HTR2C: variants seen among roughly 807,000 people sequenced by gnomAD.
The protein encoded by HTR2C is 5-hydroxytryptamine (serotonin) receptor 2C, G protein-coupled.
HTR2C carries 5 observed loss-of-function variants against 21.0 expected under a neutral mutation model. The ratio of observed to expected loss-of-function variants is 0.24; its 90% CI spans 0.12 to 0.50. The LOEUF (loss-of-function observed/expected upper bound fraction) is 0.50. Among genes scored for constraint, HTR2C ranks in the 20% least tolerant of loss-of-function variants. The probability of loss-of-function intolerance (pLI) is 0.98; values close to 1 mark genes in which losing one functional copy is unlikely to be tolerated. For missense variants in HTR2C, 271 were observed against 371.2 expected, an observed-to-expected ratio of 0.73 and a Z score of 2.22; for synonymous variants, 150 against 145.3, an observed-to-expected ratio of 1.03 and a Z score of -0.23.
intron 5 of HTR2C, among the ~76,000 whole-genome samples, chrX:114,861,911 T>A (rs1285038356): frequency 6.3e-5 from 7 of 111,876 alleles, no homozygotes; most frequent in African/African-American, 2.3e-4. Context: ...TTTGCAAATA[T>A]TTTTTTCTCA....
chrX:114,720,506 A>G (rs1933152374), intron 2 of HTR2C, among the ~76,000 whole-genome samples: 1 of 56,931 alleles, frequency 1.8e-5, no homozygotes. Context: ...TCAGGATCAT[A>G]TTTCTTTTTC....
At chrX:114,675,747 T>TG (rs1931530516) in intron 2 of HTR2C, among the ~76,000 whole-genome samples, 1 of 112,236 alleles carries the variant, frequency 8.9e-6, no homozygotes, top group African/African-American at 3.2e-5. Flanking sequence ...AAGAAATAGC[T>TG]GAAGCCCTGA....
intron 3 of HTR2C, among the ~76,000 whole-genome samples, chrX:114,729,315 G>T (rs1263354274): frequency 3.6e-5 from 4 of 111,540 alleles, no homozygotes; most frequent in Non-Finnish European, 7.5e-5. Context: ...TATGACACAG[G>T]TATTAAAGTT....
intron 5 of HTR2C, among the ~76,000 whole-genome samples, chrX:114,864,846 C>T (rs1258231472): frequency 9.1e-6 from 1 of 109,398 alleles, no homozygotes; most frequent in Non-Finnish European, 1.9e-5. Context: ...GTATGCTTGG[C>T]TGACAGTTTT....
At chrX:114,644,044 G>C (rs1930235542) in intron 2 of HTR2C, among the ~76,000 whole-genome samples, 1 of 109,455 alleles carries the variant, frequency 9.1e-6, no homozygotes, top group South Asian at 3.9e-4. Flanking sequence ...TTTAGGATTA[G>C]ATACATTTCT....
chrX:114,645,261 A>G (rs1190510308), intron 2 of HTR2C, among the ~76,000 whole-genome samples: 1 of 111,211 alleles, frequency 9.0e-6, no homozygotes, highest in East Asian at 2.8e-4. Flanking sequence ...TTGTGACAGG[A>G]ATGTAAAATA....
chrX:114,781,492 ATCTC>A (rs1223372835), intron 4 of HTR2C, among the ~76,000 whole-genome samples: 7 of 105,715 alleles, frequency 6.6e-5, no homozygotes, highest in East Asian at 3.0e-4. Flanking sequence ...CAAGACCCCA[ATCTC>A]TCTCTCTCTC....
At chrX:114,806,796 A>G (rs1486334549) in intron 4 of HTR2C, among the ~76,000 whole-genome samples, 1 of 98,785 alleles carries the variant, frequency 1.0e-5, no homozygotes, top group South Asian at 4.7e-4. Flanking sequence ...TATATATACC[A>G]TATATATACA....
chrX:114,795,125 C>T (rs2070277015), intron 4 of HTR2C, among the ~76,000 whole-genome samples: 1 of 111,187 alleles, frequency 9.0e-6, no homozygotes. Context: ...CTCTGATGGC[C>T]AGTGATGATG....
chrX:114,678,631 T>C (rs1426252341), intron 2 of HTR2C, among the ~76,000 whole-genome samples: 1 of 111,650 alleles, frequency 9.0e-6, no homozygotes, highest in Admixed American at 9.6e-5. Flanking sequence ...CACATTCTGG[T>C]AATCATAATC....
intron 5 of HTR2C, among the ~76,000 whole-genome samples, chrX:114,899,849 T>C (rs1164405717): frequency 9.0e-6 from 1 of 111,120 alleles, no homozygotes; most frequent in Non-Finnish European, 1.9e-5. Context: ...TTTAATGAAG[T>C]TCTGTTGGCA....
At chrX:114,818,966 T>C (rs1317232233) in intron 4 of HTR2C, among the ~76,000 whole-genome samples, 2 of 111,824 alleles carry the variant, frequency 1.8e-5, no homozygotes, top group Admixed American at 1.9e-4. Flanking sequence ...ATTTTTTAAA[T>C]GCCTTTTCTA....
In HTR2C at chrX:114,707,806, A is replaced by G. The variant is rs782444372; in HGVS notation, c.-79-19052A>G. Among the ~76,000 whole-genome samples, 19 of 110,199 alleles carry G rather than the reference A, an allele frequency of 1.7e-4. No homozygotes were observed. The East Asian group carries it at 2.6e-3, about 15-fold the overall frequency. ...ATTTGAATATCATGGAAACTCTACCATTTCAGTTTTAGTCCAGTGCAAATA... is the reference window on the plus strand; with the variant it reads ...ATTTGAATATCATGGAAACTCTACCGTTTCAGTTTTAGTCCAGTGCAAATA... On this transcript the variant is annotated intron_variant, in intron 2 of 5. Coordinates refer to ENST00000276198, the MANE Select transcript of HTR2C (RefSeq NM_000868.4).
intron 5 of HTR2C, among the ~76,000 whole-genome samples, chrX:114,861,888 A>G (rs2071009368): frequency 9.0e-6 from 1 of 111,694 alleles, no homozygotes; most frequent in African/African-American, 3.2e-5. Context: ...TTAACCCTTT[A>G]ACAGATATAT....
At chrX:114,702,774 T>G (rs1161729275) in intron 2 of HTR2C, among the ~76,000 whole-genome samples, 16 of 105,813 alleles carry the variant, frequency 1.5e-4, no homozygotes, top group Non-Finnish European at 2.7e-4. Context: ...GCAAATTGGA[T>G]AAAGAGTCAA....
rs781798984 is a variant in HTR2C at position 114,610,536 on chromosome X, T to A, written c.-146-3279T>A. 3.6e-5 allele frequency among the ~76,000 whole-genome samples: 4 copies of A among 111,871 alleles called. No individual in the cohort carries two copies. In the South Asian group the frequency reaches 1.5e-3, roughly 42 times the overall value. ...CACCTCATAAATCAGTTATAAATAG[T>A]GTCAGAGGTAATAGAATTGCACATG... On this transcript the variant is annotated intron_variant, in intron 1 of 5. Coordinates refer to ENST00000276198, the MANE Select transcript of HTR2C (RefSeq NM_000868.4).
intron 1 of HTR2C, among the ~76,000 whole-genome samples, chrX:114,609,308 TAATAA>T (rs1413837003): frequency 1.8e-5 from 2 of 111,993 alleles, no homozygotes; most frequent in East Asian, 2.8e-4. Context: ...TCATAATACC[TAATAA>T]AATAAGAAAA....
intron 4 of HTR2C, among the ~76,000 whole-genome samples, chrX:114,749,478 A>G (rs1338222645): frequency 3.2e-5 from 3 of 93,474 alleles, no homozygotes; most frequent in African/African-American, 1.2e-4. Context: ...AAAAAAAAAG[A>G]AAAAAAAAAA....
At chrX:114,671,846 A>G (rs1312517620) in intron 2 of HTR2C, among the ~76,000 whole-genome samples, 1 of 111,872 alleles carries the variant, frequency 8.9e-6, no homozygotes, top group Non-Finnish European at 1.9e-5. Context: ...TAAATATTCA[A>G]ATACCTTATA....
Sources: allele counts gnomAD v4.1 joint callset (sites outside exome capture counted in the v4.1 genomes callset), GRCh38; gene constraint gnomAD v4.1.1; transcripts MANE v1.5; gene names NCBI Gene and HGNC (gene_info 2026-07-23, HGNC 2026-07-21).